The following NEK6 variants were observed in gnomAD, a reference collection of about 807,000 sequenced individuals.
NEK6 encodes the protein serine/threonine-protein kinase Nek6.
NEK6 carries 27 observed loss-of-function variants against 43.5 expected under a neutral mutation model. The observed-to-expected ratio is 0.62, with a 90% CI of 0.46 to 0.86. The LOEUF (loss-of-function observed/expected upper bound fraction) is 0.86. Ranked by LOEUF, NEK6 falls within the 40% of genes least tolerant of loss-of-function variation. NEK6 has a pLI of 0.00. For missense variants in NEK6, 318 were observed against 414.4 expected, an observed-to-expected ratio of 0.77 and a Z score of 2.02; for synonymous variants, 167 against 164.1, an observed-to-expected ratio of 1.02 and a Z score of -0.14.
At chr9:124,322,698 C>T (rs947343688) in intron 5 of NEK6, among the ~76,000 whole-genome samples, 3 of 152,248 alleles carry the variant, frequency 2.0e-5, no homozygotes, top group African/African-American at 7.2e-5. Flanking sequence ...ATGCAGCCTG[C>T]CTGCTCCCAA....
At chr9:124,329,637 A>T (rs1477882450) in intron 7 of NEK6, among the ~76,000 whole-genome samples, 1 of 152,214 alleles carries the variant, frequency 6.6e-6, no homozygotes, top group East Asian at 1.9e-4. Context: ...ATGCCCAATG[A>T]GCTGAGGCCT....
chr9:124,305,274 G>A (rs1285994504), intron 2 of NEK6, among the ~76,000 whole-genome samples: 1 of 152,238 alleles, frequency 6.6e-6, no homozygotes, highest in East Asian at 1.9e-4. Flanking sequence ...CAGTTAGTGG[G>A]CCGGGCACGG....
intron 1 of NEK6, among the ~76,000 whole-genome samples, chr9:124,294,217 T>G (rs2119075313): frequency 6.6e-6 from 1 of 152,260 alleles, no homozygotes; most frequent in East Asian, 1.9e-4. Flanking sequence ...ACTACAAAAA[T>G]TAGCTGGGCG....
At chr9:124,313,461 G>T (rs916574874) in intron 3 of NEK6, among the ~76,000 whole-genome samples, 1 of 152,008 alleles carries the variant, frequency 6.6e-6, no homozygotes, top group African/African-American at 2.4e-5. Context: ...TCTGCCTCCC[G>T]GGTTCAAGCG....
intron 1 of NEK6, among the ~76,000 whole-genome samples, chr9:124,291,557 C>T (rs1007504652): frequency 5.9e-5 from 9 of 152,224 alleles, no homozygotes; most frequent in African/African-American, 1.2e-4. Flanking sequence ...ACCTCGGAGG[C>T]GGAGGTTGCG....
intron 8 of NEK6, among the ~76,000 whole-genome samples, chr9:124,341,731 T>G (rs1588543308): frequency 6.6e-6 from 1 of 150,814 alleles, no homozygotes; most frequent in South Asian, 2.1e-4. Flanking sequence ...TTGAGCAGGG[T>G]GTGTGGGTGG....
chr9:124,300,321 G>C (rs1226273412), intron 1 of NEK6, among the ~76,000 whole-genome samples: 1 of 152,180 alleles, frequency 6.6e-6, no homozygotes, highest in Non-Finnish European at 1.5e-5. Context: ...CGGACCTCTA[G>C]GAGCTGGCTG....
chr9:124,301,724 C>G (rs540440913), intron 1 of NEK6, among the ~76,000 whole-genome samples: 3 of 152,302 alleles, frequency 2.0e-5, no homozygotes, highest in South Asian at 2.1e-4. Context: ...GGGGATAATC[C>G]TAGTGACTTA....
In NEK6 at chr9:124,352,046, A is replaced by G. The variant is rs1830302815; in HGVS notation, c.*1099A>G. On this transcript the variant is annotated 3_prime_UTR_variant, in exon 10 of 10. Transcript: ENST00000320246. The stretch of plus-strand genomic sequence containing the variant: ...TCCTTATTTCTTGTTCCCAAACAGG[A>G]TTAACTGTGAAGACTAATTTATAAA... 6.5e-6 allele frequency: 1 copy of G among 152,684 alleles called. No individual in the cohort carries two copies. The highest frequency in any genetic ancestry group is 6.5e-5 in the Admixed American group (1 of 15,288). 9.5% of individuals were successfully genotyped at this position (152,684 alleles called of 1,614,324 possible).
chr9:124,315,406 A>G (rs1164033733), intron 4 of NEK6, among the ~76,000 whole-genome samples: 1 of 152,224 alleles, frequency 6.6e-6, no homozygotes, highest in Non-Finnish European at 1.5e-5. Flanking sequence ...TCGGGGGGCC[A>G]TGGCTGGGTG....
intron 8 of NEK6, among the ~76,000 whole-genome samples, chr9:124,346,713 T>G (rs1000626437): frequency 3.3e-5 from 5 of 152,064 alleles, no homozygotes; most frequent in African/African-American, 1.2e-4. Context: ...AGGGCCACTG[T>G]GGCCCCTGCA....
At chr9:124,312,704 C>G in intron 3 of NEK6, 55 bp downstream of exon 3, 2 of 1,570,016 alleles carry the variant, frequency 1.3e-6, no homozygotes, top group Non-Finnish European at 1.7e-6. Flanking sequence ...GTCTCTGCAT[C>G]TGGACGGGGT....
intron 1 of NEK6, among the ~76,000 whole-genome samples, chr9:124,268,225 A>G (rs1013359090): frequency 6.6e-6 from 1 of 152,212 alleles, no homozygotes; most frequent in Non-Finnish European, 1.5e-5. Flanking sequence ...GGTCTTACAC[A>G]GTGTAATTTG....
At chr9:124,311,479 C>A (rs1833522269) in intron 2 of NEK6, among the ~76,000 whole-genome samples, 2 of 152,154 alleles carry the variant, frequency 1.3e-5, no homozygotes, top group African/African-American at 4.8e-5. Context: ...CTGTTGGCGC[C>A]CCCTCCTGCC....
Position 124,352,273 on chromosome 9 carries a change from G to A in NEK6, c.*1326G>A, listed in dbSNP as rs1830313423. 6.6e-6 allele frequency: 1 copy of A among 152,246 alleles called. No individual in the cohort carries two copies. The highest frequency in any genetic ancestry group is 6.5e-5 in the Admixed American group (1 of 15,274). 9.4% of individuals were successfully genotyped at this position (152,246 alleles called of 1,614,324 possible). A position where few individuals can be genotyped will look rare whatever the true frequency, so the allele number is the denominator to read the frequency against. ...ATTCACTGACCAGGCCTTTCCTGGA[G>A]GAAACACCCAGGGCCGGGCGGCTGC... On this transcript the variant is annotated 3_prime_UTR_variant, in exon 10 of 10. Coordinates refer to ENST00000320246, the MANE Select transcript of NEK6 (RefSeq NM_014397.6).
At chr9:124,291,577 G>T (rs1213795803) in intron 1 of NEK6, among the ~76,000 whole-genome samples, 2 of 152,220 alleles carry the variant, frequency 1.3e-5, no homozygotes, top group African/African-American at 4.8e-5. Context: ...GGTGAGCCAA[G>T]ATCATGCTGC....
At chr9:124,348,132 G>C (rs570871350) in intron 9 of NEK6, among the ~76,000 whole-genome samples, 1 of 152,312 alleles carries the variant, frequency 6.6e-6, no homozygotes, top group African/African-American at 2.4e-5. Context: ...AGGTCCCCAG[G>C]ACAGGGTCTG....
chr9:124,317,213 G>T (rs1007769046), intron 4 of NEK6, among the ~76,000 whole-genome samples: 1 of 152,164 alleles, frequency 6.6e-6, no homozygotes, highest in Non-Finnish European at 1.5e-5. Context: ...CGCGCAGGAC[G>T]TCCTTTTCAA....
At chr9:124,321,632 C>T in intron 5 of NEK6, 63 bp downstream of exon 5, 1 of 1,091,402 alleles carries the variant, frequency 9.2e-7, no homozygotes, top group Non-Finnish European at 1.4e-6. Flanking sequence ...AGGTGGCAGT[C>T]TTCCTTTAGC....
Sources: allele counts gnomAD v4.1 joint callset (sites outside exome capture counted in the v4.1 genomes callset), GRCh38; gene constraint gnomAD v4.1.1; transcripts MANE v1.5; gene names NCBI Gene and HGNC (gene_info 2026-07-23, HGNC 2026-07-21).